NNT: variants seen among roughly 807,000 people sequenced by gnomAD.
NNT encodes nicotinamide nucleotide transhydrogenase.
Under a neutral mutation model 104.8 loss-of-function variants are expected in NNT, and 50 were observed. That is an observed-to-expected ratio of 0.48 (90% CI 0.38 to 0.60). The LOEUF is 0.60. NNT is among the 20% of genes least tolerant of loss of function. NNT has a pLI of 0.00. For missense variants in NNT, 1,131 were observed against 1,330.7 expected, an observed-to-expected ratio of 0.85 and a Z score of 2.33; for synonymous variants, 461 against 490.4, an observed-to-expected ratio of 0.94 and a Z score of 0.79.
chr5:43,632,940 G>A (rs889848904), intron 7 of NNT, among the ~76,000 whole-genome samples: 2 of 152,102 alleles, frequency 1.3e-5, no homozygotes, highest in African/African-American at 4.8e-5. Flanking sequence ...GTATGGTGTG[G>A]GGTGAGAAGG....
intron 7 of NNT, among the ~76,000 whole-genome samples, chr5:43,639,732 A>G (rs1751121657): frequency 6.6e-6 from 1 of 152,162 alleles, no homozygotes; most frequent in African/African-American, 2.4e-5. Flanking sequence ...AAGTGTGGAA[A>G]TAAGTCCCTC....
rs755530144 is a variant in NNT, at chr5:43,619,035, T to C, written c.603T>C (p.Tyr201=). Residue 201 remains tyrosine, a synonymous_variant, in exon 5 of 22, where the codon TAT becomes TAC. Coordinates refer to ENST00000344920, the MANE Select transcript of NNT (RefSeq NM_182977.3). Reference sequence around the variant, plus strand: ...ATTTATTTATTTATTTTTAAAGTTATAAGGCTGTTGTCCTAGCAGCAAATC... The same window carrying C: ...ATTTATTTATTTATTTTTAAAGTTACAAGGCTGTTGTCCTAGCAGCAAATC... ...ALSSMANIAG[Y]KAVVLAANHF... 12 of 1,519,592 alleles carry C rather than the reference T, an allele frequency of 7.9e-6. No homozygotes were observed. The highest frequency in any genetic ancestry group is 1.4e-5 in the African/African-American group (1 of 71,900). 94.1% of individuals were successfully genotyped at this position (1,519,592 alleles called of 1,614,324 possible).
chr5:43,604,665 T>G (rs1469843739), intron 1 of NNT, among the ~76,000 whole-genome samples: 1 of 152,152 alleles, frequency 6.6e-6, no homozygotes, highest in Non-Finnish European at 1.5e-5. Flanking sequence ...GCAACAACCC[T>G]GAGAGGTAGG....
At chr5:43,704,184 ATGTT>A in intron 21 of NNT, 67 bp from the exon 22 acceptor site, 1 of 1,381,116 alleles carries the variant, frequency 7.2e-7, no homozygotes, top group Non-Finnish European at 9.7e-7. Context: ...GTGAAGAGCA[ATGTT>A]TGTTTGCCTA....
rs960284123 is a variant in NNT, at chr5:43,706,147, A to G, written c.*1743A>G. 2 of 151,322 alleles carry G rather than the reference A, an allele frequency of 1.3e-5. No homozygotes were observed. The highest frequency in any genetic ancestry group is 3.0e-5 in the Non-Finnish European group (2 of 67,772). The allele number at this position is 151,322 out of a possible 1,614,324, so 9.4% of individuals were successfully genotyped here. On this transcript the variant is annotated 3_prime_UTR_variant, in exon 22 of 22. Transcript: ENST00000344920. ...GCTATTTGCCAATCCTTTGTCATCA[A>G]TTGTGTTAAATGAATTGAAAATTCA... is the stretch of plus-strand genomic sequence containing the variant.
At chr5:43,702,164 T>G (rs923129056) in intron 20 of NNT, among the ~76,000 whole-genome samples, 2 of 152,208 alleles carry the variant, frequency 1.3e-5, no homozygotes, top group African/African-American at 4.8e-5. Flanking sequence ...TTCTGAGGAC[T>G]TAGTCATAAA....
intron 19 of NNT, among the ~76,000 whole-genome samples, chr5:43,683,951 T>G (rs1193782044): frequency 6.6e-6 from 1 of 152,168 alleles, no homozygotes; most frequent in Non-Finnish European, 1.5e-5. Context: ...AATCTATAAT[T>G]ACTCTCCTCA....
At chr5:43,690,954 G>T (rs749340950) in intron 19 of NNT, among the ~76,000 whole-genome samples, 1 of 152,044 alleles carries the variant, frequency 6.6e-6, no homozygotes, top group African/African-American at 2.4e-5. Context: ...TTTTGCATTT[G>T]AATATTTTCT....
intron 19 of NNT, among the ~76,000 whole-genome samples, chr5:43,679,290 A>G (rs184943145): frequency 6.6e-6 from 1 of 152,356 alleles, no homozygotes; most frequent in Non-Finnish European, 1.5e-5. Context: ...AGTGTAATGT[A>G]TTCGTAATGC....
At chr5:43,650,685 ATG>A (rs1491360250) in intron 12 of NNT, 98 bp downstream of exon 12, 81 of 870,298 alleles carry the variant, frequency 9.3e-5, no homozygotes, top group Non-Finnish European at 1.4e-4. Context: ...CCTTCAAAAA[ATG>A]TTTCACTCTG....
At chr5:43,629,689 T>A (rs890555478) in intron 7 of NNT, among the ~76,000 whole-genome samples, 4 of 152,242 alleles carry the variant, frequency 2.6e-5, no homozygotes, top group African/African-American at 7.2e-5. Flanking sequence ...TAAGGTGGTA[T>A]CTCATTGTAG....
intron 19 of NNT, among the ~76,000 whole-genome samples, chr5:43,688,268 AG>A (rs1352141609): frequency 8.5e-5 from 13 of 152,142 alleles, no homozygotes; most frequent in Non-Finnish European, 1.5e-4. Context: ...GGGAGGCAGG[AG>A]GATCAGAGTT....
chr5:43,692,185 A>G (rs991046458), intron 19 of NNT, among the ~76,000 whole-genome samples: 2 of 147,650 alleles, frequency 1.4e-5, no homozygotes, highest in Non-Finnish European at 3.0e-5. Flanking sequence ...AAAGCATTAA[A>G]AGTTTTAATT....
intron 2 of NNT, among the ~76,000 whole-genome samples, chr5:43,611,864 C>T (rs1306212637): frequency 6.6e-6 from 1 of 152,070 alleles, no homozygotes; most frequent in Non-Finnish European, 1.5e-5. Context: ...AAACTGATGT[C>T]CTGTAGCTAA....
At chr5:43,655,263 G>A (rs1417314540) in intron 14 of NNT, among the ~76,000 whole-genome samples, 1 of 152,190 alleles carries the variant, frequency 6.6e-6, no homozygotes, top group Non-Finnish European at 1.5e-5. Flanking sequence ...ACGGGAAGAG[G>A]CACGCATTGA....
intron 3 of NNT, among the ~76,000 whole-genome samples, chr5:43,615,150 CAAAA>C (rs70997417): frequency 7.4e-5 from 11 of 147,684 alleles, no homozygotes; most frequent in Admixed American, 7.4e-4. Flanking sequence ...TCTCAAAAAA[CAAAA>C]AAAAATAAAT....
At chr5:43,609,761 A>G (rs1007911427) in intron 2 of NNT, among the ~76,000 whole-genome samples, 1 of 152,228 alleles carries the variant, frequency 6.6e-6, no homozygotes, top group African/African-American at 2.4e-5. Flanking sequence ...AGTTAGTAGC[A>G]ATTTGATTGC....
intron 1 of NNT, among the ~76,000 whole-genome samples, chr5:43,604,599 G>C (rs893414036): frequency 6.6e-6 from 1 of 152,186 alleles, no homozygotes; most frequent in Non-Finnish European, 1.5e-5. Context: ...GCAAAGCACT[G>C]GGGGAGAGTA....
chr5:43,679,636 A>C (rs1312782234), intron 19 of NNT, among the ~76,000 whole-genome samples: 1 of 152,232 alleles, frequency 6.6e-6, no homozygotes, highest in Admixed American at 6.5e-5. Flanking sequence ...TCTGATTAAA[A>C]TTAGAATTTT....
Sources: gnomAD v4.1 joint callset for allele counts (sites outside exome capture counted in the v4.1 genomes callset) on GRCh38, gnomAD v4.1.1 for gene constraint, MANE v1.5 for transcripts, NCBI Gene and HGNC (gene_info 2026-07-23, HGNC 2026-07-21) for gene names.